DAB1: variants seen among roughly 807,000 people sequenced by gnomAD.
The protein encoded by DAB1 is disabled homolog 1.
DAB1 carries 15 observed loss-of-function variants against 64.6 expected under a neutral mutation model. The ratio of observed to expected loss-of-function variants is 0.23; its 90% CI spans 0.16 to 0.36. DAB1 has a LOEUF of 0.36. DAB1 is among the 10% of genes least tolerant of loss of function. The pLI, the probability that DAB1 is intolerant of heterozygous loss-of-function variation, is 1.00. For missense variants in DAB1, 596 were observed against 706.7 expected (o/e 0.84, Z 1.78); for synonymous variants, 235 against 251.9 (o/e 0.93, Z 0.64).
chr1:57,588,375 T>C (rs987451262), intron 7 of DAB1, among the ~76,000 whole-genome samples: 2 of 152,222 alleles, frequency 1.3e-5, no homozygotes, highest in African/African-American at 4.8e-5. Flanking sequence ...AAGTTAATTA[T>C]TGGCAAATTA....
chr1:58,302,184 T>C (rs1662187641), intron 4 of DAB1, among the ~76,000 whole-genome samples: 1 of 152,080 alleles, frequency 6.6e-6, no homozygotes, highest in Admixed American at 6.6e-5. Context: ...AAAATTAATC[T>C]CTCCTCATTA....
chr1:58,075,331 G>A (rs923269069), intron 5 of DAB1, among the ~76,000 whole-genome samples: 8 of 152,208 alleles, frequency 5.3e-5, no homozygotes, highest in Non-Finnish European at 7.3e-5. Flanking sequence ...CCCCGTGAAA[G>A]ATAAGTGTGG....
At chr1:57,572,905 G>T (rs533572393) in intron 7 of DAB1, among the ~76,000 whole-genome samples, 2 of 151,950 alleles carry the variant, frequency 1.3e-5, no homozygotes, top group Non-Finnish European at 2.9e-5. Context: ...ACTTTTAAAT[G>T]ACCAGATCTT....
At chr1:57,121,433 G>A (rs936097319) in intron 4 of DAB1, among the ~76,000 whole-genome samples, 2 of 151,934 alleles carry the variant, frequency 1.3e-5, no homozygotes, top group Non-Finnish European at 2.9e-5. Flanking sequence ...GGAAGTGGGG[G>A]AAGGGATTCC....
At chr1:57,382,990 A>G (rs1272639557) in intron 1 of DAB1, among the ~76,000 whole-genome samples, 1 of 152,138 alleles carries the variant, frequency 6.6e-6, no homozygotes, top group African/African-American at 2.4e-5. Flanking sequence ...TAAACAATAA[A>G]TATAAAACCA....
At chr1:57,945,533 G>A (rs1645172898) in intron 5 of DAB1, among the ~76,000 whole-genome samples, 1 of 151,704 alleles carries the variant, frequency 6.6e-6, no homozygotes, top group South Asian at 2.1e-4. Flanking sequence ...TCCCATCTTG[G>A]CTTCCCAAAG....
At chr1:57,675,320 G>A (rs927507821) in intron 6 of DAB1, among the ~76,000 whole-genome samples, 2 of 152,184 alleles carry the variant, frequency 1.3e-5, no homozygotes, top group African/African-American at 2.4e-5. Flanking sequence ...AGGTTCTAGA[G>A]GTGGACAACG....
At chr1:58,265,489 T>C (rs757961506) in intron 4 of DAB1, among the ~76,000 whole-genome samples, 3 of 152,252 alleles carry the variant, frequency 2.0e-5, no homozygotes, top group Non-Finnish European at 4.4e-5. Context: ...CCATTGACAT[T>C]GCACTGTAGT....
At chr1:57,637,966 G>A (rs1276357692) in intron 7 of DAB1, among the ~76,000 whole-genome samples, 8 of 152,140 alleles carry the variant, frequency 5.3e-5, no homozygotes, top group Non-Finnish European at 1.5e-5. Context: ...TACAATGATT[G>A]TTACTGAGAG....
chr1:57,409,283 A>G (rs1030426332), intron 1 of DAB1, among the ~76,000 whole-genome samples: 3 of 152,132 alleles, frequency 2.0e-5, no homozygotes, highest in Non-Finnish European at 2.9e-5. Context: ...TCACACTTTC[A>G]GTTCTTCCAA....
intron 6 of DAB1, among the ~76,000 whole-genome samples, chr1:57,693,252 C>T (rs981585813): frequency 1.3e-5 from 2 of 152,158 alleles, no homozygotes; most frequent in African/African-American, 4.8e-5. Flanking sequence ...CAATTCCCAA[C>T]AGCAGCTGGG....
intron 4 of DAB1, among the ~76,000 whole-genome samples, chr1:58,175,061 C>G (rs1169620912): frequency 6.6e-6 from 1 of 152,210 alleles, no homozygotes; most frequent in African/African-American, 2.4e-5. Flanking sequence ...GCAACCTGCT[C>G]GGGTCCCCCT....
chr1:57,278,417 GA>G (rs1190698384), intron 2 of DAB1, among the ~76,000 whole-genome samples: 4 of 152,112 alleles, frequency 2.6e-5, no homozygotes, highest in Non-Finnish European at 4.4e-5. Context: ...TATAATGATA[GA>G]AAAGACACAG....
intron 4 of DAB1, among the ~76,000 whole-genome samples, chr1:58,183,097 G>A (rs1656885419): frequency 6.6e-6 from 1 of 151,840 alleles, no homozygotes; most frequent in Non-Finnish European, 1.5e-5. Flanking sequence ...TTTAAGCCTG[G>A]ATTCTAGAGA....
At chr1:57,976,052 G>A (rs543937450) in intron 5 of DAB1, among the ~76,000 whole-genome samples, 1 of 152,302 alleles carries the variant, frequency 6.6e-6, no homozygotes, top group South Asian at 2.1e-4. Context: ...GCACTTCTTG[G>A]CAACGCCAAG....
At chr1:57,667,789 C>A (rs114150546) in intron 6 of DAB1, among the ~76,000 whole-genome samples, 1 of 152,034 alleles carries the variant, frequency 6.6e-6, no homozygotes, top group African/African-American at 2.4e-5. Context: ...GAAAACTAAA[C>A]GCTGCATATC....
chr1:57,838,771 C>CTTTTTTT (rs5774374), intron 1 of DAB1, among the ~76,000 whole-genome samples: 1 of 141,350 alleles, frequency 7.1e-6, no homozygotes. Context: ...TTCTTTCTTC[C>CTTTTTTT]TTTTTTTTTT....
At chr1:58,514,535 A>G (rs1467382573) in intron 2 of DAB1, among the ~76,000 whole-genome samples, 1 of 152,182 alleles carries the variant, frequency 6.6e-6, no homozygotes, top group Non-Finnish European at 1.5e-5. Flanking sequence ...AAATCCTGAC[A>G]CTGAATGAAT....
At chr1:58,008,946 C>T (rs1266481249) in intron 5 of DAB1, among the ~76,000 whole-genome samples, 1 of 152,100 alleles carries the variant, frequency 6.6e-6, no homozygotes, top group Non-Finnish European at 1.5e-5. Context: ...GACTCACTAC[C>T]ATATGTATTG....
Sources: allele counts gnomAD v4.1 joint callset (sites outside exome capture counted in the v4.1 genomes callset), GRCh38; gene constraint gnomAD v4.1.1; transcripts MANE v1.5; gene names NCBI Gene and HGNC (gene_info 2026-07-23, HGNC 2026-07-21).